ADAMTSL1: variants seen among roughly 807,000 people sequenced by gnomAD.
The protein encoded by ADAMTSL1 is ADAMTS like 1.
Under a neutral mutation model 201.8 loss-of-function variants are expected in ADAMTSL1, and 126 were observed. The observed-to-expected ratio is 0.62, with a 90% CI of 0.54 to 0.72. ADAMTSL1 has a LOEUF of 0.72. Ranked by LOEUF, ADAMTSL1 falls within the 30% of genes least tolerant of loss-of-function variation. ADAMTSL1 has a pLI of 0.00. For synonymous variants in ADAMTSL1, 1,121 were observed against 903.4 expected, an observed-to-expected ratio of 1.24 and a Z score of -4.32; for missense variants, 2,679 against 2,277.8, an observed-to-expected ratio of 1.18 and a Z score of -3.59.
intron 2 of ADAMTSL1, among the ~76,000 whole-genome samples, chr9:18,367,507 A>G (rs901722303): frequency 6.6e-6 from 1 of 152,054 alleles, no homozygotes; most frequent in Non-Finnish European, 1.5e-5. Flanking sequence ...CAAAACTTCT[A>G]AGTCTGTTTT....
intron 1 of ADAMTSL1, among the ~76,000 whole-genome samples, chr9:18,006,735 C>G (rs751072204): frequency 2.8e-4 from 43 of 151,860 alleles, no homozygotes; most frequent in Non-Finnish European, 5.7e-4. Flanking sequence ...TTCTAATGAC[C>G]AGAAGCAGAG....
intron 1 of ADAMTSL1, among the ~76,000 whole-genome samples, chr9:18,069,131 G>A (rs375055947): frequency 6.6e-6 from 1 of 152,014 alleles, no homozygotes; most frequent in African/African-American, 2.4e-5. Context: ...AAGCTATCTG[G>A]CAGCTGAAAT....
rs191551073 is a variant in ADAMTSL1, at chr9:18,881,937, A to G, written c.4250-5894A>G. Among the ~76,000 whole-genome samples the G allele has an allele frequency of 2.0e-5, 3 of 152,330 alleles. No individual in the cohort carries two copies. In the East Asian group the frequency reaches 5.8e-4, roughly 29 times the overall value. On this transcript the variant is annotated intron_variant, in intron 23 of 28. Coordinates refer to ENST00000380548, the MANE Select transcript of ADAMTSL1 (RefSeq NM_001040272.6). Reference sequence around the variant, plus strand: ...CTGGGAGGCCCTGGGAACAAGACCAAGACCCAAGGCTCAGATGGGCCAAGA... The same window carrying G: ...CTGGGAGGCCCTGGGAACAAGACCAGGACCCAAGGCTCAGATGGGCCAAGA...
intron 4 of ADAMTSL1, among the ~76,000 whole-genome samples, chr9:18,580,045 T>A (rs1270863303): frequency 6.6e-6 from 1 of 152,232 alleles, no homozygotes; most frequent in Non-Finnish European, 1.5e-5. Context: ...ACCTGATATA[T>A]GTCAAAAGAA....
At chr9:18,774,675 T>G (rs533091199) in intron 17 of ADAMTSL1, among the ~76,000 whole-genome samples, 1 of 152,336 alleles carries the variant, frequency 6.6e-6, no homozygotes, top group South Asian at 2.1e-4. Context: ...TGACTTAGTA[T>G]GTTTTTAAGG....
chr9:18,648,835 T>G (rs1249420772), intron 7 of ADAMTSL1, among the ~76,000 whole-genome samples: 5 of 152,134 alleles, frequency 3.3e-5, no homozygotes, highest in Non-Finnish European at 1.5e-5. Flanking sequence ...TTCCTTCATT[T>G]CAACTTTGGT....
At chr9:17,938,859 A>G (rs746870502) in intron 1 of ADAMTSL1, among the ~76,000 whole-genome samples, 20 of 152,092 alleles carry the variant, frequency 1.3e-4, no homozygotes, top group Non-Finnish European at 2.8e-4. Context: ...CTTTCCCCTG[A>G]TACTTCTGCC....
chr9:18,486,360 C>T (rs1037661231), intron 1 of ADAMTSL1, among the ~76,000 whole-genome samples: 2 of 152,176 alleles, frequency 1.3e-5, no homozygotes, highest in East Asian at 1.9e-4. Flanking sequence ...GTGACTTAAC[C>T]CTTTATTCAC....
intron 3 of ADAMTSL1, among the ~76,000 whole-genome samples, chr9:18,571,550 A>G (rs1304799551): frequency 1.3e-5 from 2 of 152,226 alleles, no homozygotes; most frequent in Non-Finnish European, 2.9e-5. Context: ...CTAAACTGTC[A>G]GTTCAACTTT....
intron 28 of ADAMTSL1, chr9:18,907,293 C>T (rs1191765434): frequency 1.3e-5 from 3 of 231,482 alleles, no homozygotes; most frequent in East Asian, 2.9e-4. Flanking sequence ...TCTAAAGGAG[C>T]ACAGAGTGCC....
intron 2 of ADAMTSL1, among the ~76,000 whole-genome samples, chr9:18,357,672 G>GTA (rs1836313044): frequency 6.6e-6 from 1 of 151,952 alleles, no homozygotes; most frequent in Non-Finnish European, 1.5e-5. Flanking sequence ...TTGTTCTTAA[G>GTA]TATAGTCAAA....
At chr9:18,644,034 T>A (rs989362730) in intron 7 of ADAMTSL1, among the ~76,000 whole-genome samples, 1 of 152,052 alleles carries the variant, frequency 6.6e-6, no homozygotes, top group African/African-American at 2.4e-5. Context: ...TCCATTAATT[T>A]GTGTTTTCTT....
At chr9:18,773,003 A>G (rs1203682433) in intron 17 of ADAMTSL1, among the ~76,000 whole-genome samples, 1 of 152,218 alleles carries the variant, frequency 6.6e-6, no homozygotes, top group Admixed American at 6.5e-5. Flanking sequence ...AACTGGTGCC[A>G]TATTGAAGTG....
chr9:18,579,349 GA>G (rs1381118998), intron 4 of ADAMTSL1, among the ~76,000 whole-genome samples: 2 of 119,492 alleles, frequency 1.7e-5, no homozygotes, highest in Non-Finnish European at 3.4e-5. Flanking sequence ...CTGTGGTGGG[GA>G]GGGGGGAGGG....
chr9:18,525,897 G>A (rs1819007917), intron 2 of ADAMTSL1, among the ~76,000 whole-genome samples: 1 of 152,204 alleles, frequency 6.6e-6, no homozygotes, highest in South Asian at 2.1e-4. Flanking sequence ...GTGCAATGTG[G>A]TTTCGAGAAG....
At position 18,753,322 on chromosome 9, in the gene ADAMTSL1, A is replaced by G. The variant is rs1322831233; in HGVS notation, c.2031A>G (p.Pro677=). 3.1e-6 allele frequency: 5 copies of G among 1,612,002 alleles called. No individual in the cohort carries two copies. The highest frequency in any genetic ancestry group is 4.2e-6 in the Non-Finnish European group (5 of 1,179,244). Residue 677 remains proline, a synonymous_variant, in exon 16 of 29, where the codon CCA becomes CCG. Transcript: ENST00000380548. The part of the protein sequence containing the change: ...PARWEIGKWS[P]CSLTCGVGLQ... Reference sequence around the variant, plus strand: ...GGTGGGAAATTGGCAAGTGGAGTCCATGTAGTCTCACATGTGGGGTCGGCC... The same window carrying G: ...GGTGGGAAATTGGCAAGTGGAGTCCGTGTAGTCTCACATGTGGGGTCGGCC...
chr9:18,605,322 T>C (rs1824940356), intron 4 of ADAMTSL1, among the ~76,000 whole-genome samples: 2 of 152,236 alleles, frequency 1.3e-5, no homozygotes, highest in Admixed American at 1.3e-4. Context: ...TTTAAATGAC[T>C]GCTTACAAAA....
intron 4 of ADAMTSL1, among the ~76,000 whole-genome samples, chr9:18,575,374 G>T (rs1235326266): frequency 6.6e-6 from 1 of 152,000 alleles, no homozygotes; most frequent in Non-Finnish European, 1.5e-5. Flanking sequence ...CATATCTTAA[G>T]GTTTCCTTAT....
chr9:18,395,342 TG>T (rs1254845976), intron 2 of ADAMTSL1, among the ~76,000 whole-genome samples: 5 of 152,266 alleles, frequency 3.3e-5, no homozygotes, highest in Admixed American at 1.3e-4. Context: ...ATGAAAAATG[TG>T]GGTATTGGTT....
Sources: gnomAD v4.1 joint callset for allele counts (sites outside exome capture counted in the v4.1 genomes callset) on GRCh38, gnomAD v4.1.1 for gene constraint, MANE v1.5 for transcripts, NCBI Gene and HGNC (gene_info 2026-07-23, HGNC 2026-07-21) for gene names.